Variants in SDHA observed in about 807,000 individuals in gnomAD.
SDHA encodes succinate dehydrogenase complex flavoprotein subunit A.
SDHA carries 48 observed loss-of-function variants against 78.4 expected under a neutral mutation model. The ratio of observed to expected loss-of-function variants is 0.61; its 90% CI spans 0.49 to 0.78. The LOEUF (loss-of-function observed/expected upper bound fraction) is 0.78, where lower values mean the gene tolerates loss of function less well. Ranked by LOEUF, SDHA falls within the 30% of genes least tolerant of loss-of-function variation. The probability of loss-of-function intolerance (pLI) is 0.00; values close to 1 mark genes in which losing one functional copy is unlikely to be tolerated. For missense variants in SDHA, 680 were observed against 892.7 expected, an observed-to-expected ratio of 0.76 and a Z score of 3.04; for synonymous variants, 326 against 353.9, an observed-to-expected ratio of 0.92 and a Z score of 0.88.
At chr5:264,482 T>C in the SDHA span, among the ~76,000 whole-genome samples, 5 of 152,066 alleles carry the variant, frequency 3.3e-5, no homozygotes, top group Admixed American at 3.3e-4. Context: ...GTGCATTCCT[T>C]CACCAGCCCA....
chr5:219,682 C>G (rs1394772226), intron 1 of SDHA, among the ~76,000 whole-genome samples: 3 of 152,216 alleles, frequency 2.0e-5, no homozygotes, highest in Middle Eastern at 3.4e-3. Flanking sequence ...AGGAGGGCGT[C>G]CACAAGCAGG....
rs1218116319 is a variant in SDHA at position 233,609 on chromosome 5, T to G, written c.1028T>G (p.Val343Gly). 1 of 1,614,116 alleles carries G rather than the reference T, an allele frequency of 6.2e-7. No homozygotes were observed. Among genetic ancestry groups the G allele is most frequent in the Non-Finnish European group, 8.5e-7 (1 of 1,180,012 alleles). Residue 343 changes from valine to glycine, a missense_variant, in exon 8 of 15, where the codon GTG becomes GGG. Transcript: ENST00000264932. ...AAGGACCTGGCGTCTAGAGATGTGG[T>G]GTCTCGGTCCATGACTCTGGAGATC... The part of the protein sequence containing the change: ...VAKDLASRDV[V>G]SRSMTLEIRE...
At chr5:224,619 C>T in intron 3 of SDHA, 98 bp downstream of exon 3, 2 of 1,289,074 alleles carry the variant, frequency 1.6e-6, no homozygotes, top group South Asian at 2.4e-5. Context: ...CCCCCTGCTC[C>T]AGCCACATGG....
chr5:234,911 T>G, intron 8 of SDHA: 1 of 586,134 alleles, frequency 1.7e-6, no homozygotes, highest in Non-Finnish European at 3.1e-6. Flanking sequence ...GAGCGTGAGT[T>G]TAGTGAGGGC....
intron 3 of SDHA, 74 bp from the exon 4 acceptor site, chr5:225,345 C>T (rs1734945519): frequency 1.5e-5 from 23 of 1,581,694 alleles, no homozygotes; most frequent in Admixed American, 8.3e-5. Context: ...ATCCCCCCAG[C>T]GGGTGGATTT....
At chr5:266,639 G>T in the SDHA span, among the ~76,000 whole-genome samples, 1 of 152,168 alleles carries the variant, frequency 6.6e-6, no homozygotes, top group African/African-American at 2.4e-5. Flanking sequence ...AAATAATTGG[G>T]TCAATATAAA....
At chr5:231,171 C>G (rs2288456) in intron 7 of SDHA, among the ~76,000 whole-genome samples, 171 bp downstream of exon 7, 19,658 of 152,180 alleles carry the variant, frequency 0.13, 1,337 homozygotes, top group Admixed American at 0.17. Flanking sequence ...AGACTTTTCC[C>G]ACACTCCCCT....
chr5:220,281 C>T, intron 1 of SDHA: 1 of 453,530 alleles, frequency 2.2e-6, no homozygotes, highest in South Asian at 1.6e-5. Context: ...GCAGTTTAAT[C>T]AGAGGAAAAA....
chr5:245,359 G>A (rs1412693384), intron 11 of SDHA, among the ~76,000 whole-genome samples: 1 of 152,106 alleles, frequency 6.6e-6, no homozygotes, highest in South Asian at 2.1e-4. Flanking sequence ...TATCCCCTTA[G>A]CTGAGCAAGA....
chr5:255,779 GA>G (rs1737146461), intron 14 of SDHA, among the ~76,000 whole-genome samples: 1 of 151,980 alleles, frequency 6.6e-6, no homozygotes, highest in African/African-American at 2.4e-5. Context: ...AAAGTACAAA[GA>G]GATTGAAATA....
chr5:242,638 G>A (rs183376123), intron 11 of SDHA, among the ~76,000 whole-genome samples: 184 of 152,246 alleles, frequency 1.2e-3, no homozygotes, highest in African/African-American at 4.1e-3. Context: ...CTCCATGACC[G>A]AGCTGGTCTC....
chr5:225,808 T>C, intron 4 of SDHA, 75 bp from the exon 5 acceptor site: 2 of 1,570,132 alleles, frequency 1.3e-6, no homozygotes, highest in Non-Finnish European at 1.8e-6. Flanking sequence ...GTTAAACTTG[T>C]TTAGTGTAGA....
the SDHA span, among the ~76,000 whole-genome samples, chr5:262,278 CG>C: frequency 5.2e-5 from 7 of 133,928 alleles, no homozygotes; most frequent in Non-Finnish European, 9.5e-5. Flanking sequence ...GTGTGAGCTC[CG>C]CCTCCCGACA....
the SDHA span, among the ~76,000 whole-genome samples, chr5:264,352 G>A: frequency 1.3e-5 from 2 of 152,206 alleles, no homozygotes; most frequent in African/African-American, 4.8e-5. Context: ...AATTTGGAAG[G>A]TGGCCCTGAG....
intron 13 of SDHA, among the ~76,000 whole-genome samples, chr5:253,933 C>G (rs1737015937): frequency 6.6e-6 from 1 of 152,040 alleles, no homozygotes; most frequent in Non-Finnish European, 1.5e-5. Flanking sequence ...GGTGGTAGCA[C>G]AGGAGGCTGA....
chr5:261,681 C>G (rs377146989), downstream of SDHA, among the ~76,000 whole-genome samples: 114 of 61,306 alleles, frequency 1.9e-3, no homozygotes, highest in South Asian at 5.4e-3. Context: ...CCTCCCGTCA[C>G]AGCATTACCG....
chr5:255,846 C>T (rs1310534293), intron 14 of SDHA, among the ~76,000 whole-genome samples: 1 of 152,190 alleles, frequency 6.6e-6, no homozygotes, highest in African/African-American at 2.4e-5. Flanking sequence ...GTATATGTGC[C>T]TACCTTTTCC....
intron 3 of SDHA, 170 bp downstream of exon 3, chr5:224,691 G>A: frequency 2.9e-6 from 2 of 688,932 alleles, no homozygotes; most frequent in South Asian, 3.5e-5. Context: ...CCTCTTCCCT[G>A]GGGACTTTGA....
At position 242,463 on chromosome 5, in the gene SDHA, A is replaced by G. The variant is rs533694076; in HGVS notation, c.1551+1987A>G. Among the ~76,000 whole-genome samples the G allele has an allele frequency of 4.6e-5, 7 of 152,360 alleles. No individual in the cohort carries two copies. The East Asian group carries it at 1.2e-3, about 25-fold the overall frequency. Reference sequence around the variant, plus strand: ...CCCATACCTTTGTTTCCCGTAAGGAATACTTTTAGTAAATCTTATGACTGG... The same window carrying G: ...CCCATACCTTTGTTTCCCGTAAGGAGTACTTTTAGTAAATCTTATGACTGG... On this transcript the variant is annotated intron_variant, in intron 11 of 14. Transcript: ENST00000264932.
Sources: allele counts gnomAD v4.1 joint callset (sites outside exome capture counted in the v4.1 genomes callset), GRCh38; gene constraint gnomAD v4.1.1; transcripts MANE v1.5; gene names NCBI Gene and HGNC (gene_info 2026-07-23, HGNC 2026-07-21).